Variants in WIF1 observed in about 807,000 individuals in gnomAD.
WIF1 encodes the protein Wnt inhibitory factor 1.
Under a neutral mutation model 53.5 loss-of-function variants are expected in WIF1, and 35 were observed. The ratio of observed to expected loss-of-function variants is 0.65; its 90% CI spans 0.50 to 0.87. WIF1 has a LOEUF of 0.87. Ranked by LOEUF, WIF1 falls within the 40% of genes least tolerant of loss-of-function variation. The pLI is 0.00. For synonymous variants in WIF1, 171 were observed against 170.4 expected, an observed-to-expected ratio of 1.00 and a Z score of -0.03; for missense variants, 467 against 476.8, an observed-to-expected ratio of 0.98 and a Z score of 0.19.
intron 6 of WIF1, among the ~76,000 whole-genome samples, chr12:65,063,508 A>G (rs1565749493): frequency 6.6e-6 from 1 of 152,222 alleles, no homozygotes; most frequent in Non-Finnish European, 1.5e-5. Flanking sequence ...AAGCTAAAAT[A>G]AGCTTCCAGT....
intron 2 of WIF1, among the ~76,000 whole-genome samples, chr12:65,092,402 C>T (rs1463670025): frequency 1.3e-5 from 2 of 150,868 alleles, no homozygotes; most frequent in African/African-American, 4.9e-5. Flanking sequence ...TGCAAGTTCT[C>T]CACATGTATC....
chr12:65,079,723 TGA>T (rs1423881610), intron 2 of WIF1, among the ~76,000 whole-genome samples: 1 of 151,732 alleles, frequency 6.6e-6, no homozygotes, highest in Non-Finnish European at 1.5e-5. Flanking sequence ...AATGCTAACA[TGA>T]GAGTTAGGCA....
chr12:65,065,255 T>A (rs1001868067), intron 6 of WIF1, among the ~76,000 whole-genome samples: 1 of 152,088 alleles, frequency 6.6e-6, no homozygotes, highest in Non-Finnish European at 1.5e-5. Flanking sequence ...AGTCTAGAGA[T>A]AGAAAAAGCA....
chr12:65,097,395 A>C (rs1357476890), intron 2 of WIF1, among the ~76,000 whole-genome samples: 3 of 152,168 alleles, frequency 2.0e-5, no homozygotes, highest in Non-Finnish European at 4.4e-5. Context: ...ATAGTTATAA[A>C]ATGAGAAATC....
intron 7 of WIF1, 112 bp downstream of exon 7, chr12:65,062,369 A>G (rs1004939849): frequency 6.5e-6 from 6 of 923,280 alleles, no homozygotes; most frequent in Non-Finnish European, 9.7e-6. Flanking sequence ...AAGACCTTAG[A>G]CAAGTTATTC....
chr12:65,070,059 G>A (rs774624575), intron 3 of WIF1, among the ~76,000 whole-genome samples: 6 of 152,068 alleles, frequency 3.9e-5, no homozygotes, highest in Non-Finnish European at 7.4e-5. Context: ...TTAGAGTGTC[G>A]ATAAACTTTC....
intron 2 of WIF1, among the ~76,000 whole-genome samples, chr12:65,097,576 G>A (rs886481575): frequency 5.3e-5 from 8 of 152,106 alleles, no homozygotes; most frequent in African/African-American, 1.9e-4. Flanking sequence ...CAAATATGAA[G>A]ATGCTCAAGT....
chr12:65,082,958 A>G (rs919407627), intron 2 of WIF1, among the ~76,000 whole-genome samples: 1 of 152,184 alleles, frequency 6.6e-6, no homozygotes, highest in African/African-American at 2.4e-5. Context: ...GTGCTCATGG[A>G]AGAACATTAA....
chr12:65,088,220 C>A (rs1883070201), intron 2 of WIF1, among the ~76,000 whole-genome samples: 1 of 152,158 alleles, frequency 6.6e-6, no homozygotes, highest in Admixed American at 6.6e-5. Context: ...TTCTTGTACA[C>A]ACAACAGTTT....
intron 9 of WIF1, among the ~76,000 whole-genome samples, chr12:65,052,416 G>A (rs1882454089): frequency 6.6e-6 from 1 of 152,150 alleles, no homozygotes; most frequent in South Asian, 2.1e-4. Context: ...TGCTTGGCCT[G>A]TGACCCATGA....
At chr12:65,062,886 G>C (rs1226848451) in intron 6 of WIF1, among the ~76,000 whole-genome samples, 1 of 151,878 alleles carries the variant, frequency 6.6e-6, no homozygotes, top group Non-Finnish European at 1.5e-5. Flanking sequence ...GCCCTTAAAA[G>C]GAAAAGAATG....
At chr12:65,053,036 C>T (rs756013355) in intron 9 of WIF1, among the ~76,000 whole-genome samples, 13 of 152,128 alleles carry the variant, frequency 8.5e-5, no homozygotes, top group Non-Finnish European at 1.5e-4. Context: ...TGAAGCAAGC[C>T]TCAGGGTTTG....
At chr12:65,115,026 G>A (rs1023504842) in intron 2 of WIF1, among the ~76,000 whole-genome samples, 7 of 152,016 alleles carry the variant, frequency 4.6e-5, no homozygotes, top group African/African-American at 1.7e-4. Flanking sequence ...AATTAATATT[G>A]GTTGATTATC....
In WIF1 at chr12:65,066,625, A is replaced by G; in HGVS notation, c.730+16T>C. On this transcript the variant is annotated intron_variant, in intron 6 of 9. Coordinates refer to ENST00000286574, the MANE Select transcript of WIF1 (RefSeq NM_007191.5). Reference sequence around the variant, plus strand: ...TAAAAGTAAAAATAACTTTCTTCTTAAAAAGAAACTGTTACCTTTGTCACA... The same window carrying G: ...TAAAAGTAAAAATAACTTTCTTCTTGAAAAGAAACTGTTACCTTTGTCACA... 1.9e-6 allele frequency: 3 copies of G among 1,585,650 alleles called. No individual in the cohort carries two copies. Among genetic ancestry groups the G allele is most frequent in the Non-Finnish European group, 1.7e-6 (2 of 1,168,722 alleles).
At chr12:65,117,084 C>A (rs1431773216) in intron 2 of WIF1, among the ~76,000 whole-genome samples, 3 of 151,978 alleles carry the variant, frequency 2.0e-5, no homozygotes, top group Non-Finnish European at 2.9e-5. Flanking sequence ...CTTACAACTG[C>A]TTCATTTTAT....
At chr12:65,093,836 A>G (rs59756710) in intron 2 of WIF1, among the ~76,000 whole-genome samples, 29,860 of 152,066 alleles carry the variant, frequency 0.2, 3,221 homozygotes, top group Admixed American at 0.25. Context: ...CCCAGTTCAA[A>G]CTTCTAAGCC....
chr12:65,077,660 C>T, intron 3 of WIF1, 86 bp downstream of exon 3: 1 of 985,594 alleles, frequency 1.0e-6, no homozygotes, highest in East Asian at 2.5e-5. Context: ...TTCATAACCT[C>T]TCTGATGTAG....
chr12:65,089,018 G>A (rs1280980200), intron 2 of WIF1, among the ~76,000 whole-genome samples: 2 of 151,742 alleles, frequency 1.3e-5, no homozygotes, highest in African/African-American at 4.8e-5. Flanking sequence ...CTCATTTTGG[G>A]GGCATCTTAT....
At chr12:65,112,406 A>T (rs113791340) in intron 2 of WIF1, among the ~76,000 whole-genome samples, 2,042 of 117,156 alleles carry the variant, frequency 0.017, 30 homozygotes, top group African/African-American at 0.069. Flanking sequence ...TGCTCTAATC[A>T]CACACACACA....
Sources: allele counts gnomAD v4.1 joint callset (sites outside exome capture counted in the v4.1 genomes callset), GRCh38; gene constraint gnomAD v4.1.1; transcripts MANE v1.5; gene names NCBI Gene and HGNC (gene_info 2026-07-23, HGNC 2026-07-21).